Variants in LHFPL6 observed in about 807,000 individuals in gnomAD.
LHFPL6 encodes LHFPL tetraspan subfamily member 6 protein.
A neutral mutation model predicts 20.6 loss-of-function variants in LHFPL6; 9 were observed. The observed-to-expected ratio is 0.44, with a 90% CI of 0.26 to 0.76. The LOEUF (loss-of-function observed/expected upper bound fraction) is 0.76. Among genes scored for constraint, LHFPL6 ranks in the 30% least tolerant of loss-of-function variants. LHFPL6 has a pLI of 0.20. For missense variants in LHFPL6, 218 were observed against 253.5 expected (o/e 0.86, Z 0.95); for synonymous variants, 105 against 98.7 (o/e 1.06, Z -0.38).
At chr13:39,581,513 A>G (rs1566147104) in intron 2 of LHFPL6, among the ~76,000 whole-genome samples, 1 of 146,420 alleles carries the variant, frequency 6.8e-6, no homozygotes, top group Non-Finnish European at 1.5e-5. Flanking sequence ...AAAATAGAAT[A>G]CCATCTTTAT....
chr13:39,377,230 G>A (rs912947345), intron 3 of LHFPL6, among the ~76,000 whole-genome samples: 3 of 152,112 alleles, frequency 2.0e-5, no homozygotes, highest in Admixed American at 1.3e-4. Flanking sequence ...AAGTATACAG[G>A]TTTACCTGCC....
intron 2 of LHFPL6, among the ~76,000 whole-genome samples, chr13:39,417,335 C>A (rs1871374393): frequency 6.6e-6 from 1 of 152,234 alleles, no homozygotes; most frequent in Non-Finnish European, 1.5e-5. Flanking sequence ...TTAGGTCACA[C>A]CAGCTGCATA....
At chr13:39,386,806 G>T (rs996551720) in intron 2 of LHFPL6, among the ~76,000 whole-genome samples, 1 of 152,170 alleles carries the variant, frequency 6.6e-6, no homozygotes, top group African/African-American at 2.4e-5. Context: ...ATTTCTGACT[G>T]GGGATCCCTG....
intron 3 of LHFPL6, among the ~76,000 whole-genome samples, chr13:39,371,135 C>T (rs556802609): frequency 7.9e-5 from 12 of 152,272 alleles, no homozygotes; most frequent in Middle Eastern, 3.4e-3. Context: ...CTCTGAGTTT[C>T]CAGTTTACGG....
intron 2 of LHFPL6, among the ~76,000 whole-genome samples, chr13:39,500,044 T>C (rs1869240068): frequency 1.3e-5 from 2 of 152,250 alleles, no homozygotes; most frequent in South Asian, 4.2e-4. Context: ...TCTTACCAGT[T>C]GGGTCCTTTT....
intron 2 of LHFPL6, among the ~76,000 whole-genome samples, chr13:39,538,955 G>A (rs1330368716): frequency 4.6e-5 from 7 of 152,148 alleles, no homozygotes; most frequent in Admixed American, 1.3e-4. Flanking sequence ...TAGGCTTCGC[G>A]GGCCATATGG....
intron 2 of LHFPL6, among the ~76,000 whole-genome samples, chr13:39,551,307 G>C (rs538265836): frequency 7.9e-5 from 12 of 152,160 alleles, no homozygotes; most frequent in African/African-American, 2.9e-4. Context: ...ACAGGGCAAA[G>C]CACCAGGGAC....
chr13:39,396,008 AGCTGCCTGCTATG>A (rs1870831242), intron 2 of LHFPL6, among the ~76,000 whole-genome samples: 1 of 152,242 alleles, frequency 6.6e-6, no homozygotes, highest in Non-Finnish European at 1.5e-5. Context: ...TGTGCCTTAA[AGCTGCCTGCTATG>A]AAGGCATAGG....
chr13:39,488,560 A>C (rs1450832877), intron 2 of LHFPL6, among the ~76,000 whole-genome samples: 1 of 152,182 alleles, frequency 6.6e-6, no homozygotes, highest in Non-Finnish European at 1.5e-5. Flanking sequence ...CTTCTAAGGC[A>C]GACTTTTCTG....
intron 2 of LHFPL6, among the ~76,000 whole-genome samples, chr13:39,459,194 ATGTGTGTGTGTGTGTGTGTGTGTGTGTG>A (rs58955444): frequency 2.9e-5 from 4 of 135,982 alleles, no homozygotes; most frequent in South Asian, 2.5e-4. Context: ...AAGTTCCTTA[ATGTGTGTGTGTGTGTGTGTGTGTGTGTG>A]TGTGTGTGTG....
chr13:39,461,305 C>T (rs1051654217), intron 2 of LHFPL6, among the ~76,000 whole-genome samples: 2 of 152,152 alleles, frequency 1.3e-5, no homozygotes, highest in African/African-American at 4.8e-5. Flanking sequence ...CACACGTGTG[C>T]ATGTGTCTTT....
At chr13:39,420,962 T>C (rs926455125) in intron 2 of LHFPL6, among the ~76,000 whole-genome samples, 12 of 152,186 alleles carry the variant, frequency 7.9e-5, no homozygotes, top group East Asian at 1.9e-4. Flanking sequence ...ATCTGTGTTT[T>C]TCCCCCCCCT....
Position 39,488,434 on chromosome 13 carries a change from G to T in LHFPL6, c.386-109908C>A, listed in dbSNP as rs187405695. Among the ~76,000 whole-genome samples, 248 of 152,276 alleles carry T rather than the reference G, an allele frequency of 1.6e-3. 6 individuals carry two copies. The highest frequency in any genetic ancestry group is 2.5e-4 in the Non-Finnish European group (17 of 68,018). On this transcript the variant is annotated intron_variant, in intron 2 of 3. Coordinates refer to ENST00000379589, the MANE Select transcript of LHFPL6 (RefSeq NM_005780.3). ...ACAGGTGATGGATAGCTTGTGAAGT[G>T]AGGTGACTCTCCCTTTTACCCCAGC...
chr13:39,573,210 G>A (rs1871990144), intron 2 of LHFPL6, among the ~76,000 whole-genome samples: 1 of 152,050 alleles, frequency 6.6e-6, no homozygotes, highest in Admixed American at 6.6e-5. Context: ...TGAAAATGTG[G>A]AATAGAGATT....
At chr13:39,493,149 C>G (rs1868984453) in intron 2 of LHFPL6, among the ~76,000 whole-genome samples, 1 of 151,180 alleles carries the variant, frequency 6.6e-6, no homozygotes, top group Non-Finnish European at 1.5e-5. Context: ...TAGCATTGAC[C>G]TAGGATCTCA....
chr13:39,533,175 CAT>C (rs1317564889), intron 2 of LHFPL6, among the ~76,000 whole-genome samples: 1 of 152,180 alleles, frequency 6.6e-6, no homozygotes, highest in Non-Finnish European at 1.5e-5. Context: ...ATAGTTAAAA[CAT>C]GTGGGTGGCC....
At chr13:39,459,898 G>A (rs1214665898) in intron 2 of LHFPL6, among the ~76,000 whole-genome samples, 1 of 152,056 alleles carries the variant, frequency 6.6e-6, no homozygotes, top group African/African-American at 2.4e-5. Context: ...CTAAAAATAG[G>A]TTTGAAAATA....
At chr13:39,444,921 C>A (rs1432001688) in intron 2 of LHFPL6, among the ~76,000 whole-genome samples, 1 of 152,146 alleles carries the variant, frequency 6.6e-6, no homozygotes. Context: ...AAACTGCAGG[C>A]ACAAGACTTT....
chr13:39,530,330 A>T (rs943207909), intron 2 of LHFPL6, among the ~76,000 whole-genome samples: 2 of 151,976 alleles, frequency 1.3e-5, no homozygotes, highest in Non-Finnish European at 2.9e-5. Flanking sequence ...CCCAGATCCC[A>T]TTCCATGAAC....
Sources: gnomAD v4.1 joint callset for allele counts (sites outside exome capture counted in the v4.1 genomes callset) on GRCh38, gnomAD v4.1.1 for gene constraint, MANE v1.5 for transcripts, NCBI Gene and HGNC (gene_info 2026-07-23, HGNC 2026-07-21) for gene names.